BMPER: variants seen among roughly 807,000 people sequenced by gnomAD.
BMPER encodes the protein BMP binding endothelial regulator.
BMPER carries 45 observed loss-of-function variants against 87.3 expected under a neutral mutation model. The observed-to-expected ratio is 0.52, with a 90% confidence interval of 0.41 to 0.66. The LOEUF (loss-of-function observed/expected upper bound fraction) is 0.66. BMPER is among the 30% of genes least tolerant of loss of function. BMPER has a pLI of 0.00. For synonymous variants in BMPER, 326 were observed against 316.2 expected, an observed-to-expected ratio of 1.03 and a Z score of -0.33; for missense variants, 784 against 867.5, an observed-to-expected ratio of 0.90 and a Z score of 1.21.
chr7:33,906,517 A>C lies in BMPER; in HGVS notation c.134-301A>C, dbSNP rs1783821178. On this transcript the variant is annotated intron_variant, in intron 1 of 14. Transcript: ENST00000649409. ...CTGTGTGCTTAGTTGAAATATCTTC[A>C]TAAAGGAGGAGTGTTATTAAAAATC... 2.0e-5 allele frequency among the ~76,000 whole-genome samples: 3 copies of C among 152,012 alleles called. No individual in the cohort carries two copies. In the South Asian group the frequency reaches 6.2e-4, roughly 32 times the overall value.
intron 6 of BMPER, among the ~76,000 whole-genome samples, chr7:34,021,591 A>G (rs1186179096): frequency 6.6e-6 from 1 of 152,032 alleles, no homozygotes; most frequent in East Asian, 1.9e-4. Flanking sequence ...GTCTGGCTCC[A>G]AAGTAAATTA....
chr7:33,981,091 C>A (rs557919229), intron 6 of BMPER, among the ~76,000 whole-genome samples: 2 of 152,322 alleles, frequency 1.3e-5, no homozygotes, highest in African/African-American at 4.8e-5. Context: ...TCCTTGTCCT[C>A]TCTGCTCTGG....
intron 3 of BMPER, among the ~76,000 whole-genome samples, chr7:33,938,133 T>C (rs984026782): frequency 4.6e-5 from 7 of 152,208 alleles, no homozygotes; most frequent in African/African-American, 1.4e-4. Context: ...TGTGGTTTCA[T>C]GTAGATCGTC....
chr7:34,110,063 G>A (rs956535584), intron 13 of BMPER, among the ~76,000 whole-genome samples: 4 of 152,212 alleles, frequency 2.6e-5, no homozygotes, highest in Non-Finnish European at 5.9e-5. Flanking sequence ...TGCTCCTGAT[G>A]AGATTTTGAA....
At chr7:34,128,921 C>T (rs1790474603) in intron 13 of BMPER, among the ~76,000 whole-genome samples, 1 of 152,078 alleles carries the variant, frequency 6.6e-6, no homozygotes, top group African/African-American at 2.4e-5. Flanking sequence ...GTAGATATTC[C>T]CTAAGGTCTT....
At chr7:34,076,908 C>G (rs966973867) in intron 11 of BMPER, among the ~76,000 whole-genome samples, 2 of 152,074 alleles carry the variant, frequency 1.3e-5, no homozygotes, top group Admixed American at 1.3e-4. Flanking sequence ...TGAGGTCCAT[C>G]TGTAGCATGC....
rs761180703 is a variant in BMPER at position 34,153,305 on chromosome 7, T to C, written c.*32T>C. On this transcript the variant is annotated 3_prime_UTR_variant, in exon 15 of 15. Coordinates refer to ENST00000649409, the MANE Select transcript of BMPER (RefSeq NM_001365308.1). ...TTTCGATCCTTAAGACTCTGAAATC[T>C]GGTGACTTTGACACTGAAGCGGAAG... 5.0e-6 allele frequency: 8 copies of C among 1,612,636 alleles called. No homozygotes were observed. Among genetic ancestry groups the C allele is most frequent in the Middle Eastern group, 1.8e-4 (1 of 5,534 alleles).
chr7:34,005,091 G>A (rs905659113), intron 6 of BMPER, among the ~76,000 whole-genome samples: 1 of 152,104 alleles, frequency 6.6e-6, no homozygotes, highest in Non-Finnish European at 1.5e-5. Context: ...AGGACAGAGT[G>A]ACTCTGAGTG....
intron 8 of BMPER, among the ~76,000 whole-genome samples, chr7:34,052,607 G>T (rs1040747169): frequency 6.6e-6 from 1 of 152,164 alleles, no homozygotes; most frequent in Non-Finnish European, 1.5e-5. Flanking sequence ...AGGACTTTAG[G>T]ATTATTCATT....
intron 11 of BMPER, among the ~76,000 whole-genome samples, chr7:34,065,241 T>TCTCTCTCTCTCC (rs1562720549): frequency 2.0e-5 from 3 of 147,662 alleles, no homozygotes; most frequent in African/African-American, 7.5e-5. Flanking sequence ...TCTCTCTCTC[T>TCTCTCTCTCTCC]CTCTCTCCCT....
intron 3 of BMPER, among the ~76,000 whole-genome samples, chr7:33,957,438 A>G (rs537307320): frequency 6.6e-6 from 1 of 151,424 alleles, no homozygotes; most frequent in Non-Finnish European, 1.5e-5. Context: ...ATTGCCAGGG[A>G]TTAGAGACAG....
intron 2 of BMPER, among the ~76,000 whole-genome samples, chr7:33,928,372 T>A (rs1253402860): frequency 6.6e-6 from 1 of 152,172 alleles, no homozygotes; most frequent in Non-Finnish European, 1.5e-5. Context: ...TACACAAATG[T>A]GCTGTTGCCA....
At chr7:33,966,676 A>G in intron 4 of BMPER, 115 bp downstream of exon 4, 1 of 1,017,212 alleles carries the variant, frequency 9.8e-7, no homozygotes, top group East Asian at 2.6e-5. Context: ...AATGAAAAAA[A>G]CAATGAAAAA....
chr7:34,065,758 C>G (rs2127967313), intron 11 of BMPER, among the ~76,000 whole-genome samples: 2 of 152,330 alleles, frequency 1.3e-5, no homozygotes, highest in Non-Finnish European at 2.9e-5. Flanking sequence ...AATTTGTACT[C>G]CACCTCTAAA....
chr7:34,114,933 A>G (rs1197535313), intron 13 of BMPER, among the ~76,000 whole-genome samples: 1 of 152,262 alleles, frequency 6.6e-6, no homozygotes, highest in Non-Finnish European at 1.5e-5. Context: ...AGTAAGAGAG[A>G]GTCAAGGAAA....
chr7:34,046,518 T>A, intron 7 of BMPER, 113 bp downstream of exon 7: 1 of 1,122,454 alleles, frequency 8.9e-7, no homozygotes, highest in Non-Finnish European at 1.3e-6. Flanking sequence ...ATTTCGTGGC[T>A]TGTTAGAGAC....
intron 10 of BMPER, among the ~76,000 whole-genome samples, chr7:34,060,396 A>C (rs548018342): frequency 7.2e-5 from 11 of 152,282 alleles, no homozygotes; most frequent in African/African-American, 2.6e-4. Context: ...TTCATCTGCA[A>C]CTGCTTTCAG....
intron 3 of BMPER, among the ~76,000 whole-genome samples, chr7:33,956,657 T>C (rs1374982721): frequency 1.3e-5 from 2 of 152,176 alleles, no homozygotes; most frequent in Non-Finnish European, 2.9e-5. Flanking sequence ...GTTAATGTGA[T>C]GAGGATGAAG....
intron 2 of BMPER, among the ~76,000 whole-genome samples, chr7:33,909,440 A>G (rs1221408381): frequency 1.3e-5 from 2 of 152,188 alleles, no homozygotes; most frequent in African/African-American, 4.8e-5. Context: ...TCAGGAGTTC[A>G]GTTAGTTGAC....
Sources: gnomAD v4.1 joint callset for allele counts (sites outside exome capture counted in the v4.1 genomes callset) on GRCh38, gnomAD v4.1.1 for gene constraint, MANE v1.5 for transcripts, NCBI Gene and HGNC (gene_info 2026-07-23, HGNC 2026-07-21) for gene names.